HLTF: variants seen among roughly 807,000 people sequenced by gnomAD.
The protein encoded by HLTF is DNA-dependent ATPase/E3 ubiquitin-protein ligase HLTF.
HLTF carries 127 observed loss-of-function variants against 129.4 expected under a neutral mutation model. The observed-to-expected ratio is 0.98, with a 90% CI of 0.85 to 1.14. The LOEUF (loss-of-function observed/expected upper bound fraction) is 1.14, where lower values mean the gene tolerates loss of function less well. HLTF is among the 50% of genes most tolerant of loss of function. The probability of loss-of-function intolerance (pLI) is 0.00; values close to 1 mark genes in which losing one functional copy is unlikely to be tolerated. For synonymous variants in HLTF, 332 were observed against 388.8 expected (o/e 0.85, Z 1.72); for missense variants, 1,139 against 1,187.1 (o/e 0.96, Z 0.60).
In HLTF at chr3:149,074,026, T is replaced by C. The variant is rs767089450; in HGVS notation, c.529+189A>G. On this transcript the variant is annotated intron_variant, in intron 4 of 24. Transcript: ENST00000310053. ...CCCTCACTCTTACTGTGTATATTTT[T>C]ATGTGTGAATCTATTTCAATAGAGG... is the stretch of plus-strand genomic sequence containing the variant. Among the ~76,000 whole-genome samples, 16 of 152,272 alleles carry C rather than the reference T, an allele frequency of 1.1e-4. 1 individual carries two copies. The Middle Eastern group carries it at 0.014, about 129-fold the overall frequency.
intron 2 of HLTF, among the ~76,000 whole-genome samples, chr3:149,082,934 T>C (rs1038604712): frequency 6.6e-6 from 1 of 152,198 alleles, no homozygotes; most frequent in Admixed American, 6.5e-5. Context: ...TTCAGAAGAT[T>C]TAATGCCTTT....
chr3:149,081,781 A>C (rs968863617), intron 2 of HLTF, among the ~76,000 whole-genome samples: 2 of 152,130 alleles, frequency 1.3e-5, no homozygotes, highest in African/African-American at 4.8e-5. Context: ...TAAAACAACC[A>C]AAAAAATGGT....
chr3:149,035,016 G>T lies in HLTF; in HGVS notation c.2797-18C>A. The T allele has an allele frequency of 6.4e-7, 1 of 1,565,390 alleles. No individual in the cohort carries two copies. Among genetic ancestry groups the T allele is most frequent in the South Asian group, 1.1e-5 (1 of 90,164 alleles). ...TTCCAGGCCTAACAAGAACATGGAT[G>T]AGTTACTTTACTACTGCCCTGATCT... On this transcript the variant is annotated intron_variant, in intron 23 of 24. Coordinates refer to ENST00000310053, the MANE Select transcript of HLTF (RefSeq NM_003071.4).
intron 18 of HLTF, among the ~76,000 whole-genome samples, chr3:149,042,498 C>G (rs3816570): frequency 0.41 from 61,542 of 151,878 alleles, 13,769 homozygotes; most frequent in African/African-American, 0.62. Flanking sequence ...CAATTGCAGT[C>G]TAAGTCAGAT....
intron 24 of HLTF, 102 bp downstream of exon 24, chr3:149,034,816 C>G: frequency 1.3e-6 from 1 of 767,726 alleles, no homozygotes; most frequent in Non-Finnish European, 2.2e-6. Flanking sequence ...ATATTTTGCT[C>G]TGCATAATTA....
At chr3:149,037,756 T>A (rs1576573307) in intron 23 of HLTF, among the ~76,000 whole-genome samples, 1 of 152,278 alleles carries the variant, frequency 6.6e-6, no homozygotes, top group Non-Finnish European at 1.5e-5. Context: ...CCACAAATCT[T>A]AAGTCTGAAT....
chr3:149,063,067 CT>C (rs558050182), intron 10 of HLTF: 655 of 397,226 alleles, frequency 1.6e-3, no homozygotes, highest in Admixed American at 2.9e-3. Flanking sequence ...CTCTCTTTTT[CT>C]TTTTTTTTTG....
intron 2 of HLTF, among the ~76,000 whole-genome samples, chr3:149,080,288 T>C (rs960019826): frequency 3.4e-4 from 52 of 152,186 alleles, no homozygotes; most frequent in African/African-American, 1.1e-3. Context: ...TGCACAACCT[T>C]GTGAGTATTC....
At chr3:149,041,932 T>C in intron 19 of HLTF, 1 of 580,874 alleles carries the variant, frequency 1.7e-6, no homozygotes, top group South Asian at 2.3e-5. Context: ...AGATCCAATA[T>C]GAATCTTTCA....
intron 14 of HLTF, among the ~76,000 whole-genome samples, chr3:149,053,477 T>A (rs544719995): frequency 6.6e-6 from 1 of 152,328 alleles, no homozygotes; most frequent in South Asian, 2.1e-4. Flanking sequence ...GTAAGCTTCC[T>A]GAGGCTGTGT....
At chr3:149,063,991 T>A (rs910020221) in intron 9 of HLTF, among the ~76,000 whole-genome samples, 1 of 152,160 alleles carries the variant, frequency 6.6e-6, no homozygotes, top group African/African-American at 2.4e-5. Flanking sequence ...TTGCCTAGAT[T>A]ATAACTCCTT....
At position 149,084,851 on chromosome 3, in the gene HLTF, C is replaced by T. The variant is rs747472980; in HGVS notation, c.59G>A (p.Gly20Glu). 1 of 1,613,948 alleles carries T rather than the reference C, an allele frequency of 6.2e-7. No homozygotes were observed. The highest frequency in any genetic ancestry group is 2.2e-5 in the East Asian group (1 of 44,856). ...VWKYLQTVQY[G>E]VHGNFPRLSY... is the part of the protein sequence containing the mutation. ...GAGGCGTGGAAAATTTCCATGAACT[C>T]CATACTGGACAGTCTGCAAGTACTT... Residue 20 changes from glycine to glutamate, a missense_variant, in exon 2 of 25, where the codon GGA (glycine) becomes GAA (glutamate). By Grantham distance (98) the Gly-to-Glu change is moderately conservative. Transcript: ENST00000310053.
chr3:149,085,984 G>T (rs1170764763), intron 1 of HLTF, among the ~76,000 whole-genome samples: 3 of 151,956 alleles, frequency 2.0e-5, no homozygotes, highest in African/African-American at 7.3e-5. Context: ...TGTCTTACTC[G>T]GCCCTCCACC....
chr3:149,066,116 G>A (rs558335513), intron 8 of HLTF, among the ~76,000 whole-genome samples: 7 of 151,352 alleles, frequency 4.6e-5, no homozygotes, highest in Non-Finnish European at 1.0e-4. Context: ...GCACAATCTC[G>A]GCTCATTGAA....
chr3:149,063,083 G>A (rs1054837122), intron 10 of HLTF: 6 of 456,188 alleles, frequency 1.3e-5, no homozygotes, highest in African/African-American at 4.0e-5. Context: ...TTTTTGAGAC[G>A]GAGTCTCACT....
chr3:149,039,009 G>T, intron 23 of HLTF, 40 bp downstream of exon 23: 2 of 1,193,510 alleles, frequency 1.7e-6, no homozygotes, highest in Non-Finnish European at 2.3e-6. Flanking sequence ...TTTTTTGAAA[G>T]AAGTACTAAG....
intron 2 of HLTF, among the ~76,000 whole-genome samples, chr3:149,083,043 G>A (rs1720007160): frequency 1.3e-5 from 2 of 152,288 alleles, no homozygotes; most frequent in Admixed American, 6.5e-5. Flanking sequence ...CCTGAGGTCA[G>A]GGGTTCAAGA....
At chr3:149,054,135 A>G (rs2034906) in intron 14 of HLTF, among the ~76,000 whole-genome samples, 113,272 of 152,044 alleles carry the variant, frequency 0.74, 42,634 homozygotes, top group Middle Eastern at 0.84. Context: ...TTGACAATTA[A>G]ACTATCACAA....
Position 149,031,871 on chromosome 3 carries a change from G to A in HLTF, c.*349C>T. 6.3e-6 allele frequency: 1 copy of A among 157,594 alleles called. No individual in the cohort carries two copies. The highest frequency in any genetic ancestry group is 1.4e-5 in the Non-Finnish European group (1 of 71,834). 9.8% of individuals were successfully genotyped at this position (157,594 alleles called of 1,614,324 possible). On this transcript the variant is annotated 3_prime_UTR_variant, in exon 25 of 25. Transcript: ENST00000310053. ...TGTCCAACATAGAAAATAACTATTT[G>A]GTCAAAAGTATAAAAGGTCTGACCT...
Sources: gnomAD v4.1 joint callset for allele counts (sites outside exome capture counted in the v4.1 genomes callset) on GRCh38, gnomAD v4.1.1 for gene constraint, MANE v1.5 for transcripts, NCBI Gene and HGNC (gene_info 2026-07-23, HGNC 2026-07-21) for gene names.